Variants in FHL1 observed in about 807,000 individuals in gnomAD.
FHL1 encodes the protein four and a half LIM domains 1.
A neutral mutation model predicts 20.3 loss-of-function variants in FHL1; 1 was observed. That is an observed-to-expected ratio of 0.05 (90% CI 0.02 to 0.23). The LOEUF is 0.23. Among genes scored for constraint, FHL1 ranks in the 10% least tolerant of loss-of-function variants. The pLI, the probability that FHL1 is intolerant of heterozygous loss-of-function variation, is 1.00. For synonymous variants in FHL1, 82 were observed against 88.9 expected (o/e 0.92, Z 0.44); for missense variants, 177 against 234.0 (o/e 0.76, Z 1.59).
chrX:136,156,560 G>A (rs967816977), intron 1 of FHL1, among the ~76,000 whole-genome samples: 4 of 111,620 alleles, frequency 3.6e-5, no homozygotes, highest in African/African-American at 1.3e-4. Flanking sequence ...GGGATTGCAG[G>A]CGTGAGCTGT....
At chrX:136,149,784 A>AT (rs1209070457) in intron 1 of FHL1, among the ~76,000 whole-genome samples, 3 of 111,386 alleles carry the variant, frequency 2.7e-5, no homozygotes, top group Non-Finnish European at 3.8e-5. Flanking sequence ...CAAAATAATT[A>AT]TTTTTTTTCC....
chrX:136,161,860 T>C (rs1005682622), intron 1 of FHL1, among the ~76,000 whole-genome samples: 7 of 111,929 alleles, frequency 6.3e-5, no homozygotes, highest in South Asian at 3.7e-4. Flanking sequence ...TGGTGGCTCA[T>C]GCCTGTAATC....
intron 2 of FHL1, among the ~76,000 whole-genome samples, chrX:136,189,815 A>G (rs141331895): frequency 8.9e-6 from 1 of 111,903 alleles, no homozygotes; most frequent in African/African-American, 3.2e-5. Flanking sequence ...CCACTGCACT[A>G]TATTCTCTTG....
chrX:136,148,156 C>T (rs2072156126), intron 1 of FHL1: 1 of 100,900 alleles, frequency 9.9e-6, no homozygotes, highest in Non-Finnish European at 2.0e-5. Flanking sequence ...GGTGGGTCGA[C>T]TCCCTTGGTT....
upstream of FHL1, among the ~76,000 whole-genome samples, chrX:136,165,204 A>C (rs1326305687): frequency 9.0e-6 from 1 of 111,576 alleles, no homozygotes; most frequent in Non-Finnish European, 1.9e-5. Context: ...TATACTGTTA[A>C]AGATTTGGTT....
intron 1 of FHL1, among the ~76,000 whole-genome samples, chrX:136,162,954 G>A (rs1328321872): frequency 8.9e-6 from 1 of 112,238 alleles, no homozygotes; most frequent in African/African-American, 3.2e-5. Flanking sequence ...GATTGTTAAG[G>A]GCTGCTCTCT....
intron 1 of FHL1, chrX:136,204,780 C>T (rs2073798406): frequency 8.9e-6 from 1 of 112,044 alleles, no homozygotes; most frequent in Admixed American, 9.4e-5. Flanking sequence ...GCCCAGGCGG[C>T]TTCTCAAACA....
chrX:136,173,551 C>G lies in FHL1; in HGVS notation c.-27+3571C>G, dbSNP rs759608471. ...AGGTGTTCTTTTAAAATTTTAATTG[C>G]CAGCATTTAAAAATTGAAAGGTTTC... is the stretch of plus-strand genomic sequence containing the variant. On this transcript the variant is annotated intron_variant, in intron 2 of 6. Transcript: ENST00000394153. Among the ~76,000 whole-genome samples, 6 of 111,775 alleles carry G rather than the reference C, an allele frequency of 5.4e-5. No individual in the cohort carries two copies. In the South Asian group the frequency reaches 2.3e-3, roughly 42 times the overall value.
At chrX:136,206,902 A>C in intron 2 of FHL1, 114 bp from the exon 3 acceptor site, 1 of 828,198 alleles carries the variant, frequency 1.2e-6, no homozygotes, top group Admixed American at 2.2e-5. Context: ...TCCCAGGTGT[A>C]AGGGACTGTG....
Position 136,186,779 on chromosome X carries a change from G to A in FHL1, c.-27+16799G>A, listed in dbSNP as rs866660877. On this transcript the variant is annotated intron_variant, in intron 2 of 6. Transcript: ENST00000394153. ...TGAGGCAGGAGAATCGCTTGAGCCC[G>A]GGAGGCAGAGGTTGCAGTGAGCCGA... 7.4e-5 allele frequency among the ~76,000 whole-genome samples: 8 copies of A among 107,581 alleles called. No individual in the cohort carries two copies. In the Admixed American group the frequency reaches 8.1e-4, roughly 11 times the overall value. The allele number at this position is 107,581 out of a possible 115,157, so 93.4% of individuals were successfully genotyped here. A position where few individuals can be genotyped will look rare whatever the true frequency, so the allele number is the denominator to read the frequency against.
At chrX:136,149,251 G>A (rs1378083047) in intron 1 of FHL1, among the ~76,000 whole-genome samples, 1 of 112,009 alleles carries the variant, frequency 8.9e-6, no homozygotes, top group Non-Finnish European at 1.9e-5. Flanking sequence ...CAAGAACCGG[G>A]CCCTCCCGAT....
chrX:136,183,094 CAAA>C (rs770573573), intron 2 of FHL1, among the ~76,000 whole-genome samples: 1 of 50,437 alleles, frequency 2.0e-5, no homozygotes, highest in African/African-American at 7.9e-5. Context: ...GAGACTGTCT[CAAA>C]AAAAAAAAAA....
chrX:136,179,962 A>G (rs1207179944), intron 2 of FHL1, among the ~76,000 whole-genome samples: 8 of 111,519 alleles, frequency 7.2e-5, no homozygotes, highest in African/African-American at 2.6e-4. Context: ...TAATTTTTGG[A>G]TGCATTTCAG....
rs778260798 is a variant in FHL1, at chrX:136,210,244, T to C, written c.*219T>C. On this transcript the variant is annotated 3_prime_UTR_variant, in exon 6 of 6. Coordinates refer to ENST00000370683, the MANE Select transcript of FHL1 (RefSeq NM_001159699.2). ...AACCCTGCAGCAAAGTGAATTTCTG[T>C]CCGGCTGCAATTTAAAAATGAAAAC... 43 of 527,913 alleles carry C rather than the reference T, an allele frequency of 8.1e-5. No homozygotes were observed. The South Asian group carries it at 1.0e-3, about 12-fold the overall frequency. 43.5% of individuals were successfully genotyped at this position (527,913 alleles called of 1,213,427 possible). A position where few individuals can be genotyped will look rare whatever the true frequency, so the allele number is the denominator to read the frequency against.
At chrX:136,192,728 T>A (rs1433274974), upstream of FHL1, among the ~76,000 whole-genome samples, 1 of 111,916 alleles carries the variant, frequency 8.9e-6, no homozygotes, top group Non-Finnish European at 1.9e-5. Flanking sequence ...TTCATTTTAC[T>A]CTCTGATGGG....
intron 1 of FHL1, among the ~76,000 whole-genome samples, chrX:136,149,692 T>G (rs1603238653): frequency 9.0e-6 from 1 of 111,731 alleles, no homozygotes; most frequent in South Asian, 3.7e-4. Flanking sequence ...TTGTGTAAGA[T>G]TTAAATTGAT....
At chrX:136,165,373 G>A (rs1412639616), upstream of FHL1, among the ~76,000 whole-genome samples, 1 of 111,923 alleles carries the variant, frequency 8.9e-6, no homozygotes, top group East Asian at 2.8e-4. Context: ...ATTTATCATT[G>A]CCTTTTATGG....
chrX:136,209,203 C>T (rs1361121375), intron 5 of FHL1: 3 of 1,167,329 alleles, frequency 2.6e-6, no homozygotes, highest in Non-Finnish European at 3.4e-6. Context: ...TCCCGGGGAG[C>T]CTTGAAATGT....
upstream of FHL1, chrX:136,169,431 T>G: frequency 5.5e-6 from 1 of 182,695 alleles, no homozygotes; most frequent in Non-Finnish European, 1.0e-5. Flanking sequence ...CCCCTCTAAA[T>G]ATTCCTCTAG....
Sources: allele counts gnomAD v4.1 joint callset (sites outside exome capture counted in the v4.1 genomes callset), GRCh38; gene constraint gnomAD v4.1.1; transcripts MANE v1.5; gene names NCBI Gene and HGNC (gene_info 2026-07-23, HGNC 2026-07-21).